The following EPSTI1 variants were observed in gnomAD, a reference collection of about 807,000 sequenced individuals.
The protein encoded by EPSTI1 is epithelial stromal interaction 1, also known as epithelial-stromal interaction protein 1.
In EPSTI1, 66 loss-of-function variants were observed where a neutral mutation model predicts 49.9. The observed-to-expected ratio is 1.32, with a 90% CI of 1.08 to 1.62. EPSTI1 has a LOEUF of 1.62. EPSTI1 is among the 40% of genes most tolerant of loss of function. The pLI is 0.00. For missense variants in EPSTI1, 394 were observed against 365.5 expected (o/e 1.08, Z -0.64); for synonymous variants, 137 against 130.7 (o/e 1.05, Z -0.33).
intron 7 of EPSTI1, among the ~76,000 whole-genome samples, chr13:42,919,943 C>G (rs959133659): frequency 6.6e-6 from 1 of 152,128 alleles, no homozygotes; most frequent in Non-Finnish European, 1.5e-5. Context: ...AGGGTTGGTT[C>G]CTTCTGAGGG....
chr13:42,922,047 A>G lies in EPSTI1; in HGVS notation c.657+4289T>C, dbSNP rs1038538490. Among the ~76,000 whole-genome samples the G allele has an allele frequency of 2.0e-5, 3 of 152,228 alleles. No individual in the cohort carries two copies. Among genetic ancestry groups the G allele is most frequent in the Admixed American group, 6.5e-5 (1 of 15,288 alleles). On this transcript the variant is annotated intron_variant, in intron 7 of 10. Coordinates refer to ENST00000313624, the MANE Select transcript of EPSTI1 (RefSeq NM_033255.5). This position sits in a 1 kb window ranked among gnomAD's most constrained non-coding sequence, Gnocchi z 4.8. ...AGAGTTGTACAGAAGATATAACCAG[A>G]GTATACCGACTGGCTTGGCAGTGAG... is the stretch of plus-strand genomic sequence containing the variant.
intron 7 of EPSTI1, among the ~76,000 whole-genome samples, chr13:42,921,611 T>C (rs2037996667): frequency 6.6e-6 from 1 of 152,182 alleles, no homozygotes; most frequent in South Asian, 2.1e-4. Context: ...AAACAGGGAT[T>C]CTCAACCTTG....
chr13:42,942,603 T>C (rs2038788183), intron 6 of EPSTI1, among the ~76,000 whole-genome samples: 1 of 150,994 alleles, frequency 6.6e-6, no homozygotes, highest in South Asian at 2.1e-4. Flanking sequence ...TGTCTCTTCC[T>C]TGTGCCTCTT....
At chr13:42,980,149 G>A (rs1358238014) in intron 1 of EPSTI1, among the ~76,000 whole-genome samples, 1 of 152,000 alleles carries the variant, frequency 6.6e-6, no homozygotes, top group East Asian at 1.9e-4. Flanking sequence ...AAGAATACTA[G>A]ATAAGACATG....
In EPSTI1 at chr13:42,917,638, A is replaced by C. The variant is rs766932322; in HGVS notation, c.658-14T>G. ...CCAGCTTCTGGCCTGTAAAGGTACA[A>C]AGAGAAAAAAAAAAAAAAAAACAAC... On this transcript the variant is annotated splice_polypyrimidine_tract_variant and intron_variant, in intron 7 of 10. Transcript: ENST00000313624. 1 of 990,232 alleles carries C rather than the reference A, an allele frequency of 1.0e-6. No homozygotes were observed. The highest frequency in any genetic ancestry group is 1.5e-6 in the Non-Finnish European group (1 of 680,190). 61.3% of individuals were successfully genotyped at this position (990,232 alleles called of 1,614,324 possible). A position where few individuals can be genotyped will look rare whatever the true frequency, so the allele number is the denominator to read the frequency against.
Position 42,922,171 on chromosome 13 carries a change from C to T in EPSTI1, c.657+4165G>A, listed in dbSNP as rs1466100952. On this transcript the variant is annotated intron_variant, in intron 7 of 10. Coordinates refer to ENST00000313624, the MANE Select transcript of EPSTI1 (RefSeq NM_033255.5). The surrounding 1 kb of genome is among the most constrained non-coding windows in gnomAD (Gnocchi z 4.8). ...TTAATAAGGTCTAAAATTGATTAGT[C>T]AAGAGATACCAACACATATTAACAG... Among the ~76,000 whole-genome samples, 2 of 152,134 alleles carry T rather than the reference C, an allele frequency of 1.3e-5. No individual in the cohort carries two copies.
chr13:42,937,758 T>C (rs1483988094), intron 6 of EPSTI1, among the ~76,000 whole-genome samples: 4 of 152,148 alleles, frequency 2.6e-5, no homozygotes, highest in East Asian at 1.9e-4. Flanking sequence ...ATCAATGTCA[T>C]CCATGAGGGC....
At chr13:42,913,767 C>A (rs749155183) in intron 8 of EPSTI1, among the ~76,000 whole-genome samples, 3 of 152,198 alleles carry the variant, frequency 2.0e-5, no homozygotes, top group Non-Finnish European at 4.4e-5. Flanking sequence ...TATTTCCTTG[C>A]AGCATTAGTA....
chr13:42,896,761 C>A (rs1270563902), intron 9 of EPSTI1, among the ~76,000 whole-genome samples: 3 of 152,176 alleles, frequency 2.0e-5, no homozygotes, highest in Non-Finnish European at 4.4e-5. Flanking sequence ...CTTGCTCCTG[C>A]CTACCTTTCC....
chr13:42,900,810 T>C (rs2037332697), intron 8 of EPSTI1, among the ~76,000 whole-genome samples: 1 of 152,158 alleles, frequency 6.6e-6, no homozygotes, highest in African/African-American at 2.4e-5. Flanking sequence ...CAAATAAATA[T>C]TGGACTCAAT....
intron 8 of EPSTI1, among the ~76,000 whole-genome samples, chr13:42,901,896 C>T (rs1437714507): frequency 6.6e-6 from 1 of 151,910 alleles, no homozygotes; most frequent in Admixed American, 6.6e-5. Context: ...AGGTATATCT[C>T]CCAATGCTAT....
chr13:42,896,554 T>C (rs2037194080), intron 9 of EPSTI1, among the ~76,000 whole-genome samples: 1 of 152,178 alleles, frequency 6.6e-6, no homozygotes, highest in Non-Finnish European at 1.5e-5. Context: ...ATTCACTCAT[T>C]TCTTTCCATG....
At position 42,887,350 on chromosome 13, in the gene EPSTI1, T is replaced by G. The variant is rs2036892816; in HGVS notation, c.*1144A>C. 1 of 152,168 alleles carries G rather than the reference T, an allele frequency of 6.6e-6. No homozygotes were observed. Among genetic ancestry groups the G allele is most frequent in the Non-Finnish European group, 1.5e-5 (1 of 68,028 alleles). 9.4% of individuals were successfully genotyped at this position (152,168 alleles called of 1,614,324 possible). A position where few individuals can be genotyped will look rare whatever the true frequency, so the allele number is the denominator to read the frequency against. On this transcript the variant is annotated 3_prime_UTR_variant, in exon 11 of 11. Coordinates refer to ENST00000313624, the MANE Select transcript of EPSTI1 (RefSeq NM_033255.5). ...TAGCTCTGCGAACCCCTCAGTTATG[T>G]CTCTTGGCCCAAGAATTTCAAAACC... is the stretch of plus-strand genomic sequence containing the variant.
chr13:42,889,242 C>A, intron 10 of EPSTI1: 6 of 1,536,152 alleles, frequency 3.9e-6, no homozygotes, highest in Admixed American at 2.2e-5. Flanking sequence ...AATAGAGAAC[C>A]CTAGAAAAAT....
At chr13:42,929,367 A>T (rs2038287808) in intron 6 of EPSTI1, among the ~76,000 whole-genome samples, 1 of 152,184 alleles carries the variant, frequency 6.6e-6, no homozygotes, top group Admixed American at 6.5e-5. Context: ...GGTAAGATTT[A>T]TTGAGATACC....
At chr13:42,943,467 T>C (rs1055028699) in intron 6 of EPSTI1, among the ~76,000 whole-genome samples, 6 of 152,210 alleles carry the variant, frequency 3.9e-5, no homozygotes, top group African/African-American at 1.4e-4. Flanking sequence ...TTAGCAGTTA[T>C]TGTTACCCCC....
intron 1 of EPSTI1, among the ~76,000 whole-genome samples, chr13:42,972,270 T>G (rs1364197315): frequency 6.6e-6 from 1 of 152,228 alleles, no homozygotes; most frequent in Non-Finnish European, 1.5e-5. Flanking sequence ...TGCATCATAA[T>G]CACCAGGAGG....
At chr13:42,935,298 A>G (rs79192457) in intron 6 of EPSTI1, among the ~76,000 whole-genome samples, 2,797 of 152,310 alleles carry the variant, frequency 0.018, 66 homozygotes, top group South Asian at 0.1. Context: ...CTTAGAGCCC[A>G]TAGTCCATTT....
intron 6 of EPSTI1, among the ~76,000 whole-genome samples, chr13:42,946,103 A>G (rs2038910277): frequency 6.6e-6 from 1 of 152,214 alleles, no homozygotes; most frequent in African/African-American, 2.4e-5. Flanking sequence ...GAAGGGCATT[A>G]GAAGTTTTGT....
Sources: gnomAD v4.1 joint callset for allele counts (sites outside exome capture counted in the v4.1 genomes callset) on GRCh38, gnomAD v4.1.1 for gene constraint, Gnocchi (gnomAD v3.1) non-coding constraint, MANE v1.5 for transcripts, NCBI Gene and HGNC (gene_info 2026-07-23, HGNC 2026-07-21) for gene names.